Variants in NCLN observed in about 807,000 individuals in gnomAD.
The protein encoded by NCLN is nicalin, also known as BOS complex subunit NCLN.
Under a neutral mutation model 69.5 loss-of-function variants are expected in NCLN, and 34 were observed. That is an observed-to-expected ratio of 0.49 (90% CI 0.37 to 0.65). NCLN has a LOEUF of 0.65. Among genes scored for constraint, NCLN ranks in the 30% least tolerant of loss-of-function variants. The pLI is 0.00. For missense variants in NCLN, 710 were observed against 804.8 expected (o/e 0.88, Z 1.42); for synonymous variants, 393 against 358.3 (o/e 1.10, Z -1.09).
rs906585357 is a variant in NCLN, at chr19:3,205,404, A to G, written c.1209-535A>G. Among the ~76,000 whole-genome samples the G allele has an allele frequency of 3.3e-5, 5 of 152,320 alleles. No homozygotes were observed. The highest frequency in any genetic ancestry group is 9.6e-5 in the African/African-American group (4 of 41,580). ...CCTCAGGAGTGGTTTGAGCTCAGCC[A>G]TCGGAGGCCTGCAGAAGCCAGTGGC... On this transcript the variant is annotated intron_variant, in intron 9 of 14. Coordinates refer to ENST00000246117, the MANE Select transcript of NCLN (RefSeq NM_020170.4). The surrounding 1 kb of genome is among the most constrained non-coding windows in gnomAD (Gnocchi z 4.6).
chr19:3,187,853 C>T (rs898340795), intron 1 of NCLN, among the ~76,000 whole-genome samples: 4 of 152,114 alleles, frequency 2.6e-5, no homozygotes, highest in South Asian at 2.1e-4. Context: ...ATGCAGTGAC[C>T]GCGTTTTCCG....
chr19:3,207,799 T>C lies in NCLN; in HGVS notation c.*111T>C. On this transcript the variant is annotated 3_prime_UTR_variant, in exon 15 of 15. Coordinates refer to ENST00000246117, the MANE Select transcript of NCLN (RefSeq NM_020170.4). ...CGGCCCTGCAGGGACAGGGGCCCTC[T>C]CCCTCCCCGGCGGTGGTTGGAACAC... is the stretch of plus-strand genomic sequence containing the variant. The C allele has an allele frequency of 1.2e-6, 1 of 860,264 alleles. No homozygotes were observed. The highest frequency in any genetic ancestry group is 1.9e-6 in the Non-Finnish European group (1 of 521,562). 53.3% of individuals were successfully genotyped at this position (860,264 alleles called of 1,614,324 possible).
At chr19:3,206,482 C>T in intron 12 of NCLN, 57 bp downstream of exon 12, 1 of 1,498,062 alleles carries the variant, frequency 6.7e-7, no homozygotes, top group Non-Finnish European at 8.9e-7. Context: ...GGGACCTCCC[C>T]CTACTGCATC....
chr19:3,191,612 C>G lies in NCLN; in HGVS notation c.185-858C>G, dbSNP rs114781271. Among the ~76,000 whole-genome samples the G allele has an allele frequency of 7.7e-3, 1,173 of 152,338 alleles. 13 individuals are homozygous for G. The highest frequency in any genetic ancestry group is 0.027 in the African/African-American group (1,124 of 41,580). On this transcript the variant is annotated intron_variant, in intron 1 of 14. Transcript: ENST00000246117. Reference sequence around the variant, plus strand: ...CCATCAACAGGCTTCAGGGAAGGGCCGTCCCCATCTGGGACCCCCTGTAAC... The same window carrying G: ...CCATCAACAGGCTTCAGGGAAGGGCGGTCCCCATCTGGGACCCCCTGTAAC...
intron 1 of NCLN, among the ~76,000 whole-genome samples, chr19:3,190,561 C>A (rs1915793217): frequency 6.6e-6 from 1 of 152,246 alleles, no homozygotes; most frequent in African/African-American, 2.4e-5. Flanking sequence ...AGGCTCAGCG[C>A]AGGCCCCGGG....
At chr19:3,199,100 G>T (rs1258913658) in intron 5 of NCLN, among the ~76,000 whole-genome samples, 1 of 152,230 alleles carries the variant, frequency 6.6e-6, no homozygotes, top group African/African-American at 2.4e-5. Flanking sequence ...TTGCCCCGGG[G>T]TCGCAGGTTC....
intron 1 of NCLN, among the ~76,000 whole-genome samples, chr19:3,191,926 C>T (rs115361565): frequency 0.022 from 3,338 of 152,174 alleles, 112 homozygotes; most frequent in African/African-American, 0.076. Flanking sequence ...CGGTGGCTCA[C>T]GCCTGAAATC....
intron 1 of NCLN, 46 bp from the exon 2 acceptor site, chr19:3,192,424 G>A (rs759919567): frequency 1.2e-5 from 18 of 1,503,938 alleles, no homozygotes; most frequent in Non-Finnish European, 1.4e-5. Context: ...CCTCCCGTCG[G>A]CCTGGCCACC....
At chr19:3,200,576 C>T (rs544823040) in intron 5 of NCLN, among the ~76,000 whole-genome samples, 2 of 152,136 alleles carry the variant, frequency 1.3e-5, no homozygotes, top group African/African-American at 4.8e-5. Context: ...TCCCAAAGTG[C>T]TGGGATTACA....
intron 6 of NCLN, among the ~76,000 whole-genome samples, chr19:3,202,503 G>A (rs982841748): frequency 1.3e-5 from 2 of 152,210 alleles, no homozygotes; most frequent in African/African-American, 4.8e-5. Context: ...ACCTCCGGGT[G>A]AGACCCCGGC....
In NCLN at chr19:3,186,099, C is replaced by G. The variant is rs770585966; in HGVS notation, c.69C>G (p.Ile23Met). ...CGTCTTGTCTGCCGCTCGGCTTCAT[C>G]GTCTTCCTGCCCGCTGTGCTGCTGC... ...LKASCLPLGFIVFLPAVLLLV... is the reference protein window; with the variant it reads ...LKASCLPLGFMVFLPAVLLLV... The change falls in exon 1 of 15, where the codon ATC (isoleucine) becomes ATG (methionine). Residue 23 changes from isoleucine to methionine, a missense_variant. Coordinates refer to ENST00000246117, the MANE Select transcript of NCLN (RefSeq NM_020170.4). The G allele has an allele frequency of 6.3e-7, 1 of 1,599,986 alleles. No individual in the cohort carries two copies. Among genetic ancestry groups the G allele is most frequent in the Non-Finnish European group, 8.5e-7 (1 of 1,175,046 alleles).
intron 9 of NCLN, 57 bp downstream of exon 9, chr19:3,204,808 C>T (rs1313546849): frequency 1.5e-6 from 2 of 1,372,916 alleles, no homozygotes; most frequent in Non-Finnish European, 1.9e-6. Context: ...GGCTGAGCCA[C>T]TGGTCGCAAC....
intron 1 of NCLN, among the ~76,000 whole-genome samples, chr19:3,191,338 G>A (rs1218191078): frequency 1.3e-5 from 2 of 152,154 alleles, no homozygotes; most frequent in Admixed American, 6.5e-5. Context: ...GAGCGCCACC[G>A]CAGAAGTGAA....
At chr19:3,199,341 A>T (rs904417086) in intron 5 of NCLN, among the ~76,000 whole-genome samples, 1 of 152,240 alleles carries the variant, frequency 6.6e-6, no homozygotes, top group African/African-American at 2.4e-5. Flanking sequence ...CACGTGGAAC[A>T]CGCCTCATTG....
At chr19:3,207,079 C>T in intron 12 of NCLN, 119 bp from the exon 13 acceptor site, 1 of 1,169,642 alleles carries the variant, frequency 8.5e-7, no homozygotes, top group Non-Finnish European at 1.3e-6. Context: ...CTGCCTCAAC[C>T]TCCCAAAGTG....
chr19:3,201,454 TG>T, intron 5 of NCLN, 68 bp from the exon 6 acceptor site: 1 of 1,119,030 alleles, frequency 8.9e-7, no homozygotes, highest in Non-Finnish European at 1.3e-6. Context: ...GTGGCTGCTG[TG>T]GGCGGAGGTC....
At chr19:3,198,120 A>AAT (rs1916016368) in intron 4 of NCLN, among the ~76,000 whole-genome samples, 1 of 152,120 alleles carries the variant, frequency 6.6e-6, no homozygotes, top group African/African-American at 2.4e-5. Flanking sequence ...GTGCACACAG[A>AAT]CCCTGAAGGA....
chr19:3,194,562 C>T (rs1041572828), intron 3 of NCLN, among the ~76,000 whole-genome samples: 7 of 152,302 alleles, frequency 4.6e-5, no homozygotes, highest in East Asian at 3.9e-4. Context: ...GCCGTGGCTG[C>T]GGCAGAGACC....
intron 4 of NCLN, among the ~76,000 whole-genome samples, chr19:3,198,418 A>G (rs938698629): frequency 6.6e-6 from 1 of 151,498 alleles, no homozygotes; most frequent in African/African-American, 2.4e-5. Context: ...GAGGCAGGAG[A>G]ATGGCGTGAA....
Sources: allele counts gnomAD v4.1 joint callset (sites outside exome capture counted in the v4.1 genomes callset), GRCh38; gene constraint gnomAD v4.1.1; non-coding constraint Gnocchi (gnomAD v3.1); transcripts MANE v1.5; gene names NCBI Gene and HGNC (gene_info 2026-07-23, HGNC 2026-07-21).